CDH18: variants seen among roughly 807,000 people sequenced by gnomAD.
CDH18 encodes cadherin 18.
Under a neutral mutation model 67.9 loss-of-function variants are expected in CDH18, and 31 were observed. That is an observed-to-expected ratio of 0.46 (90% confidence interval 0.34 to 0.62). The LOEUF (loss-of-function observed/expected upper bound fraction) is 0.62. CDH18 is among the 20% of genes least tolerant of loss of function. The probability of loss-of-function intolerance (pLI) is 0.01; values close to 1 mark genes in which losing one functional copy is unlikely to be tolerated. For synonymous variants in CDH18, 362 were observed against 347.2 expected (o/e 1.04, Z -0.48); for missense variants, 890 against 975.5 (o/e 0.91, Z 1.17).
At chr5:20,545,394 C>T (rs541435707) in intron 1 of CDH18, among the ~76,000 whole-genome samples, 1 of 152,334 alleles carries the variant, frequency 6.6e-6, no homozygotes, top group South Asian at 2.1e-4. Flanking sequence ...ATTGCCCTAG[C>T]AGAGGTTCTC....
chr5:20,447,339 A>G (rs1000103860), intron 1 of CDH18, among the ~76,000 whole-genome samples: 55 of 152,182 alleles, frequency 3.6e-4, no homozygotes, highest in African/African-American at 1.3e-3. Context: ...TGATTAGGCC[A>G]TGAGGACTTC....
intron 2 of CDH18, among the ~76,000 whole-genome samples, chr5:20,211,754 A>C (rs1177189207): frequency 6.6e-6 from 1 of 152,120 alleles, no homozygotes; most frequent in East Asian, 1.9e-4. Context: ...TCCACACCAA[A>C]ACCCCATCAT....
chr5:20,117,540 A>G, intron 2 of CDH18, among the ~76,000 whole-genome samples: 1 of 152,192 alleles, frequency 6.6e-6, no homozygotes, highest in East Asian at 1.9e-4. Flanking sequence ...TTGAGGATCT[A>G]TTAAGTAATA....
chr5:20,235,748 C>A (rs1742430702), intron 2 of CDH18, among the ~76,000 whole-genome samples: 1 of 152,122 alleles, frequency 6.6e-6, no homozygotes, highest in Admixed American at 6.6e-5. Context: ...ATTGAACTAC[C>A]ATTTGATCCA....
intron 1 of CDH18, among the ~76,000 whole-genome samples, chr5:20,391,929 T>C: frequency 1.6e-5 from 1 of 60,744 alleles, no homozygotes; most frequent in East Asian, 5.3e-4. Flanking sequence ...ACAAAATGAT[T>C]AATTTATTGT....
At chr5:19,838,735 A>T in intron 3 of CDH18, 24 bp downstream of exon 3, 3 of 1,537,884 alleles carry the variant, frequency 2.0e-6, no homozygotes, top group Non-Finnish European at 2.7e-6. Flanking sequence ...GATAGAAAAA[A>T]CAGCAAAATA....
chr5:19,687,969 T>C (rs545607432), intron 5 of CDH18, among the ~76,000 whole-genome samples: 1 of 152,220 alleles, frequency 6.6e-6, no homozygotes, highest in African/African-American at 2.4e-5. Flanking sequence ...TACCAAAACA[T>C]ACTGCCCAAG....
chr5:20,140,543 G>T (rs1750163885), intron 2 of CDH18, among the ~76,000 whole-genome samples: 1 of 152,088 alleles, frequency 6.6e-6, no homozygotes, highest in South Asian at 2.1e-4. Flanking sequence ...TAACTCTCCA[G>T]TCCTGAGGTG....
chr5:20,541,198 T>C (rs1757030878), intron 1 of CDH18, among the ~76,000 whole-genome samples: 1 of 152,194 alleles, frequency 6.6e-6, no homozygotes, highest in South Asian at 2.1e-4. Context: ...AATAAAATTA[T>C]TGTGGCTGTG....
chr5:20,390,421 A>G (rs1424455444), intron 1 of CDH18, among the ~76,000 whole-genome samples: 2 of 152,216 alleles, frequency 1.3e-5, no homozygotes, highest in Non-Finnish European at 2.9e-5. Context: ...AGAAATGCAA[A>G]TCAAAAACAC....
At position 19,798,865 on chromosome 5, in the gene CDH18, A is replaced by G. The variant is rs184111172; in HGVS notation, c.228+39894T>C. ...TTGGAAATTAGGGAAATTGGGTGGA[A>G]TATTTCATTATTATATGGCATATGT... On this transcript the variant is annotated intron_variant, in intron 3 of 12. Transcript: ENST00000382275. Among the ~76,000 whole-genome samples, 813 of 152,212 alleles carry G rather than the reference A, an allele frequency of 5.3e-3. 2 individuals are homozygous for G. Among genetic ancestry groups the G allele is most frequent in the South Asian group, 0.012 (57 of 4,834 alleles).
chr5:19,948,438 G>T (rs745465807), intron 2 of CDH18, among the ~76,000 whole-genome samples: 1 of 152,082 alleles, frequency 6.6e-6, no homozygotes, highest in African/African-American at 2.4e-5. Context: ...GTTGATACAC[G>T]CAACGACTTG....
At position 20,298,048 on chromosome 5, in the gene CDH18, C is replaced by CT. The variant is rs1414505882; in HGVS notation, c.-579-42544dup. On this transcript the variant is annotated intron_variant, in intron 1 of 14. Transcript: ENST00000507958. Reference sequence around the variant, plus strand: ...TCACTTGAACTAACTAGCCGTAAGACTTTTTTCCACCTTAGAAAAATAGAA... The same window carrying CT: ...TCACTTGAACTAACTAGCCGTAAGACTTTTTTTCCACCTTAGAAAAATAGAA... 6.6e-5 allele frequency among the ~76,000 whole-genome samples: 10 copies of CT among 152,212 alleles called. No individual in the cohort carries two copies. The East Asian group carries it at 1.9e-3, about 29-fold the overall frequency.
chr5:19,524,087 G>GTAAC (rs1169917626), intron 9 of CDH18, among the ~76,000 whole-genome samples: 2 of 151,820 alleles, frequency 1.3e-5, no homozygotes, highest in Non-Finnish European at 2.9e-5. Flanking sequence ...TAATGCTTTT[G>GTAAC]TAACTCTAAT....
At chr5:19,579,048 A>G (rs1742784692) in intron 7 of CDH18, among the ~76,000 whole-genome samples, 1 of 152,036 alleles carries the variant, frequency 6.6e-6, no homozygotes, top group African/African-American at 2.4e-5. Context: ...TAAATGATAT[A>G]GCCCCAGAAT....
At position 19,838,896 on chromosome 5, in the gene CDH18, T is replaced by C. The variant is rs199518517; in HGVS notation, c.91A>G (p.Ile31Val). 1.2e-6 allele frequency: 2 copies of C among 1,614,086 alleles called. No homozygotes were observed. Among genetic ancestry groups the C allele is most frequent in the Non-Finnish European group, 1.7e-6 (2 of 1,179,916 alleles). Reference sequence around the variant, plus strand: ...TTGGTTTGGTTTCTCATCACCTTGATGGAGCTGTGGTGAGCAGTTCCATAA... The same window carrying C: ...TTGGTTTGGTTTCTCATCACCTTGACGGAGCTGTGGTGAGCAGTTCCATAA... ...RCYGTAHHSS[I>V]KVMRNQTKHI... is the part of the protein sequence containing the mutation. Residue 31 changes from isoleucine to valine, a missense_variant, in exon 3 of 13, where the codon ATC becomes GTC. Ile to Val is a conservative substitution (Grantham distance 29). Around this residue, in one of 2 missense-constraint regions of CDH18, gnomAD observed 234 missense variants for 307.4 expected, o/e 0.76. Coordinates refer to ENST00000382275, the MANE Select transcript of CDH18 (RefSeq NM_004934.5).
chr5:20,077,961 C>G (rs570374801), intron 2 of CDH18, among the ~76,000 whole-genome samples: 1 of 152,180 alleles, frequency 6.6e-6, no homozygotes, highest in South Asian at 2.1e-4. Context: ...GTCAACTTCT[C>G]CAAGAGTCTA....
At chr5:19,903,007 ATTCAAAATATAAAAATACATTATTTAAT>A (rs1422596220) in intron 2 of CDH18, among the ~76,000 whole-genome samples, 7 of 151,998 alleles carry the variant, frequency 4.6e-5, no homozygotes, top group Non-Finnish European at 7.4e-5. Flanking sequence ...TTGTTAAAAT[ATTCAAAATATAAAAATACATTATTTAAT>A]TTAAATAATT....
chr5:20,308,968 G>T (rs1736746097), intron 1 of CDH18, among the ~76,000 whole-genome samples: 2 of 152,106 alleles, frequency 1.3e-5, no homozygotes. Context: ...ACTAAAATTG[G>T]GGTATTTATT....
Sources: allele counts gnomAD v4.1 joint callset (sites outside exome capture counted in the v4.1 genomes callset), GRCh38; gene constraint gnomAD v4.1.1; regional missense constraint gnomAD v4.1.1; transcripts MANE v1.5; gene names NCBI Gene and HGNC (gene_info 2026-07-23, HGNC 2026-07-21).